Variants in ZFR2 observed in about 807,000 individuals in gnomAD.
The protein encoded by ZFR2 is zinc finger RNA binding protein 2.
Under a neutral mutation model 105.7 loss-of-function variants are expected in ZFR2, and 104 were observed. The ratio of observed to expected loss-of-function variants is 0.98; its 90% CI spans 0.84 to 1.16. The LOEUF is 1.16. Among genes scored for constraint, ZFR2 ranks in the 50% most tolerant of loss-of-function variants. The probability of loss-of-function intolerance (pLI) is 0.00; values close to 1 mark genes in which losing one functional copy is unlikely to be tolerated. For synonymous variants in ZFR2, 634 were observed against 597.7 expected (o/e 1.06, Z -0.89); for missense variants, 1,425 against 1,355.5 (o/e 1.05, Z -0.80).
rs997185180 is a variant in ZFR2 at position 3,853,747 on chromosome 19, G to A, written c.53+15218C>T. 2.6e-5 allele frequency among the ~76,000 whole-genome samples: 4 copies of A among 152,204 alleles called. No individual in the cohort carries two copies. In the East Asian group the frequency reaches 7.7e-4, roughly 29 times the overall value. On this transcript the variant is annotated intron_variant, in intron 1 of 18. Coordinates refer to ENST00000262961, the MANE Select transcript of ZFR2 (RefSeq NM_015174.2). ...CCGATAGGAATGTTCTGGAATTTGAGGTAACAGTCACACAATTCTGTTAAT... is the reference window on the plus strand; with the variant it reads ...CCGATAGGAATGTTCTGGAATTTGAAGTAACAGTCACACAATTCTGTTAAT...
intron 1 of ZFR2, among the ~76,000 whole-genome samples, chr19:3,863,608 T>C (rs1009338238): frequency 6.6e-6 from 1 of 152,138 alleles, no homozygotes; most frequent in Non-Finnish European, 1.5e-5. Context: ...TTTTTTAATG[T>C]CTAAAGGATG....
rs188506565 is a variant in ZFR2 at position 3,827,012 on chromosome 19, C to T, written c.1035+459G>A. Among the ~76,000 whole-genome samples the T allele has an allele frequency of 5.3e-4, 80 of 152,150 alleles. 1 individual carries two copies. The East Asian group carries it at 0.013, about 24-fold the overall frequency. On this transcript the variant is annotated intron_variant, in intron 6 of 18. Transcript: ENST00000262961. Reference sequence around the variant, plus strand: ...ATCCCGGCACTTTGGGAGGCTGAGGCGGGCAGATCACTTGAGGTCAGGAGT... The same window carrying T: ...ATCCCGGCACTTTGGGAGGCTGAGGTGGGCAGATCACTTGAGGTCAGGAGT...
intron 17 of ZFR2, among the ~76,000 whole-genome samples, chr19:3,807,606 T>C (rs1255327471): frequency 3.3e-5 from 5 of 152,050 alleles, no homozygotes; most frequent in Admixed American, 2.6e-4. Flanking sequence ...TGTGTGCACG[T>C]GTGTGCTCAT....
At chr19:3,861,588 T>G (rs1169658574) in intron 1 of ZFR2, among the ~76,000 whole-genome samples, 1 of 151,860 alleles carries the variant, frequency 6.6e-6, no homozygotes, top group East Asian at 1.9e-4. Flanking sequence ...ACCACACCAC[T>G]GTGCTCCAGC....
chr19:3,852,062 G>A (rs577479518), intron 1 of ZFR2: 26 of 256,390 alleles, frequency 1.0e-4, no homozygotes, highest in Non-Finnish European at 1.5e-4. Flanking sequence ...CTGGCCAGGC[G>A]GGGCTCAGCT....
intron 1 of ZFR2, among the ~76,000 whole-genome samples, chr19:3,850,379 G>A (rs1440055020): frequency 1.3e-5 from 2 of 152,062 alleles, no homozygotes; most frequent in Non-Finnish European, 2.9e-5. Flanking sequence ...GTGCCAGGTA[G>A]AACCTGGGAT....
chr19:3,867,287 C>G (rs974899414), intron 1 of ZFR2, among the ~76,000 whole-genome samples: 1 of 114,752 alleles, frequency 8.7e-6, no homozygotes, highest in Non-Finnish European at 1.7e-5. Context: ...GGGTGACACG[C>G]GGAAATGATC....
chr19:3,852,262 G>C, intron 1 of ZFR2: 1 of 593,328 alleles, frequency 1.7e-6, no homozygotes, highest in South Asian at 2.0e-5. Context: ...GCCAGATGGG[G>C]CTCAGCTGGG....
chr19:3,831,444 G>C lies in ZFR2; in HGVS notation c.711C>G (p.Pro237=), dbSNP rs748533761. 6.5e-7 allele frequency: 1 copy of C among 1,550,214 alleles called. No individual in the cohort carries two copies. Among genetic ancestry groups the C allele is most frequent in the African/African-American group, 1.4e-5 (1 of 73,102 alleles). ...PGPPQQLPPP[P]APAGSGSSPR... ...GGCTGCTTCCTGAGCCTGCAGGCGC[G>C]GGCGGCGGGGGCAGCTGCTGCGGGG... is the stretch of plus-strand genomic sequence containing the variant. The change falls in exon 5 of 19, where the codon CCC becomes CCG. Residue 237 remains proline, a synonymous_variant. Coordinates refer to ENST00000262961, the MANE Select transcript of ZFR2 (RefSeq NM_015174.2).
At chr19:3,810,725 G>T in intron 16 of ZFR2, 25 bp downstream of exon 16, 1 of 1,542,430 alleles carries the variant, frequency 6.5e-7, no homozygotes, top group South Asian at 1.2e-5. Flanking sequence ...CCAGTGGAGG[G>T]CCGGGCCGCC....
chr19:3,856,777 C>T (rs1326342917), intron 1 of ZFR2, among the ~76,000 whole-genome samples: 1 of 152,208 alleles, frequency 6.6e-6, no homozygotes, highest in Admixed American at 6.5e-5. Flanking sequence ...GTCGCCCAGG[C>T]TGGAGTGCAA....
At position 3,823,389 on chromosome 19, in the gene ZFR2, G is replaced by A. The variant is rs2037916661; in HGVS notation, c.1228C>T (p.Gln410Ter). ...KALCEGPPEP[Q>*]AAGCRPQWGK... ...CACTGGGGTCTGCAGCCTGCTGCCTGTGGCTCAGGAGGCCCTGAGGGGAAA... is the reference window on the plus strand; with the variant it reads ...CACTGGGGTCTGCAGCCTGCTGCCTATGGCTCAGGAGGCCCTGAGGGGAAA... Residue 410 changes from glutamine to a stop codon, truncating the protein, a stop_gained, in exon 8 of 19, where the codon CAG becomes TAG. Coordinates refer to ENST00000262961, the MANE Select transcript of ZFR2 (RefSeq NM_015174.2). LOFTEE classifies it high-confidence loss of function. The surrounding 1 kb of genome is among the most constrained non-coding windows in gnomAD (Gnocchi z 5.4). 2 of 1,610,460 alleles carry A rather than the reference G, an allele frequency of 1.2e-6. No homozygotes were observed. Among genetic ancestry groups the A allele is most frequent in the Non-Finnish European group, 8.5e-7 (1 of 1,178,186 alleles).
intron 3 of ZFR2, among the ~76,000 whole-genome samples, chr19:3,833,194 A>G (rs1222373982): frequency 6.7e-6 from 1 of 149,230 alleles, no homozygotes; most frequent in Non-Finnish European, 1.5e-5. Context: ...GGGTGCAGTG[A>G]GCTGAGATCG....
intron 1 of ZFR2, among the ~76,000 whole-genome samples, chr19:3,856,466 A>C (rs2038303172): frequency 2.0e-5 from 3 of 152,078 alleles, no homozygotes; most frequent in Admixed American, 1.3e-4. Context: ...GGTGGCATCT[A>C]GTACATTTAC....
chr19:3,805,569 T>A lies in ZFR2; in HGVS notation c.*380A>T, dbSNP rs1431214497. On this transcript the variant is annotated 3_prime_UTR_variant, in exon 19 of 19. Transcript: ENST00000262961. The stretch of plus-strand genomic sequence containing the variant: ...TTTCACCATGTTGACCAGGCCGGTC[T>A]CGAACTCCTGACCTCAGGCGATCTG... 2 of 175,568 alleles carry A rather than the reference T, an allele frequency of 1.1e-5. No individual in the cohort carries two copies. Among genetic ancestry groups the A allele is most frequent in the African/African-American group, 4.7e-5 (2 of 42,172 alleles). The allele number at this position is 175,568 out of a possible 1,614,324, so 10.9% of individuals were successfully genotyped here.
chr19:3,823,375 G>C lies in ZFR2; in HGVS notation c.1242C>G (p.Cys414Trp). The C allele has an allele frequency of 2.5e-6, 4 of 1,612,446 alleles. No homozygotes were observed. In the South Asian group the frequency reaches 4.4e-5, roughly 18 times the overall value. Residue 414 changes from cysteine to tryptophan, a missense_variant, in exon 8 of 19, where the codon TGC becomes TGG. Physicochemically the swap from Cys to Trp is radical, Grantham distance 215. Coordinates refer to ENST00000262961, the MANE Select transcript of ZFR2 (RefSeq NM_015174.2). The surrounding 1 kb of genome is among the most constrained non-coding windows in gnomAD (Gnocchi z 5.4). ...GGGCTGGTTTCCCCCACTGGGGTCTGCAGCCTGCTGCCTGTGGCTCAGGAG... is the reference window on the plus strand; with the variant it reads ...GGGCTGGTTTCCCCCACTGGGGTCTCCAGCCTGCTGCCTGTGGCTCAGGAG... The part of the protein sequence containing the change: ...EGPPEPQAAG[C>W]RPQWGKPAQP...
At chr19:3,815,868 C>G (rs1263394046) in intron 13 of ZFR2, among the ~76,000 whole-genome samples, 1 of 151,812 alleles carries the variant, frequency 6.6e-6, no homozygotes, top group Non-Finnish European at 1.5e-5. Context: ...TCTCCTGCCT[C>G]AGCCTCCCGA....
rs769769465 is a variant in ZFR2 at position 3,827,607 on chromosome 19, G to A, written c.899C>T (p.Ala300Val). ...GGGCTGCACGCCTGTCTTCTGGGCC[G>A]CCTCCTTCTTTCTGTGCTTCTGCCC... Reference protein sequence around the residue: ...LGGQKHRKKEAAQKTGVQPNG... With the variant: ...LGGQKHRKKEVAQKTGVQPNG... Residue 300 changes from alanine to valine, a missense_variant, in exon 6 of 19, where the codon GCG becomes GTG. Ala to Val is a moderately conservative substitution (Grantham distance 64). Transcript: ENST00000262961. 129 of 1,581,232 alleles carry A rather than the reference G, an allele frequency of 8.2e-5. No individual in the cohort carries two copies. Among genetic ancestry groups the A allele is most frequent in the Admixed American group, 4.7e-4 (26 of 55,422 alleles).
intron 15 of ZFR2, among the ~76,000 whole-genome samples, chr19:3,811,068 C>A (rs992502726): frequency 2.3e-4 from 35 of 152,248 alleles, no homozygotes; most frequent in Admixed American, 2.1e-3. Flanking sequence ...GCAGCACCCA[C>A]TCCTTCCACA....
Sources: allele counts gnomAD v4.1 joint callset (sites outside exome capture counted in the v4.1 genomes callset), GRCh38; gene constraint gnomAD v4.1.1; non-coding constraint Gnocchi (gnomAD v3.1); transcripts MANE v1.5; gene names NCBI Gene and HGNC (gene_info 2026-07-23, HGNC 2026-07-21).